The following DLGAP2 variants were observed in gnomAD, a reference collection of about 807,000 sequenced individuals.
DLGAP2 encodes disks large-associated protein 2.
In DLGAP2, 26 loss-of-function variants were observed where a neutral mutation model predicts 100.3. That is an observed-to-expected ratio of 0.26 (90% CI 0.19 to 0.36). The LOEUF (loss-of-function observed/expected upper bound fraction) is 0.36. DLGAP2 is among the 10% of genes least tolerant of loss of function. DLGAP2 has a pLI of 1.00. For synonymous variants in DLGAP2, 886 were observed against 630.1 expected (o/e 1.41, Z -6.08); for missense variants, 1,858 against 1,453.2 (o/e 1.28, Z -4.53).
chr8:1,182,770 G>C (rs988225288), intron 2 of DLGAP2, among the ~76,000 whole-genome samples: 2 of 152,210 alleles, frequency 1.3e-5, no homozygotes, highest in Non-Finnish European at 2.9e-5. Flanking sequence ...ATCGAGTCCA[G>C]CGCGCATGTG....
intron 2 of DLGAP2, among the ~76,000 whole-genome samples, chr8:938,817 C>T (rs1001270907): frequency 2.6e-5 from 4 of 152,194 alleles, no homozygotes; most frequent in Non-Finnish European, 4.4e-5. Flanking sequence ...CAGGTCTCGG[C>T]TCTCATTGCC....
At chr8:768,855 A>G (rs982353300) in intron 1 of DLGAP2, among the ~76,000 whole-genome samples, 2 of 152,132 alleles carry the variant, frequency 1.3e-5, no homozygotes, top group African/African-American at 4.8e-5. Context: ...TTGGCTACTT[A>G]CATCATTTCA....
At chr8:1,590,561 A>G (rs919863243) in intron 6 of DLGAP2, among the ~76,000 whole-genome samples, 2 of 152,202 alleles carry the variant, frequency 1.3e-5, no homozygotes, top group African/African-American at 4.8e-5. Context: ...TCTTCAAATC[A>G]GTTTAGCGAT....
At chr8:1,070,623 C>T (rs1419806938) in intron 2 of DLGAP2, among the ~76,000 whole-genome samples, 4 of 152,076 alleles carry the variant, frequency 2.6e-5, no homozygotes, top group East Asian at 1.9e-4. Context: ...CACATACATA[C>T]GCGTATGTGA....
chr8:1,160,514 G>C (rs1331265049), intron 2 of DLGAP2, among the ~76,000 whole-genome samples: 1 of 152,236 alleles, frequency 6.6e-6, no homozygotes. Flanking sequence ...TGCAGACTGA[G>C]AAGGACGTGG....
intron 2 of DLGAP2, among the ~76,000 whole-genome samples, chr8:1,037,754 A>T (rs1308223056): frequency 6.6e-6 from 1 of 152,188 alleles, no homozygotes; most frequent in Non-Finnish European, 1.5e-5. Flanking sequence ...TGGGCCGTTA[A>T]AATATCCAAG....
At chr8:1,062,619 G>C (rs893087583) in intron 2 of DLGAP2, among the ~76,000 whole-genome samples, 1 of 152,108 alleles carries the variant, frequency 6.6e-6, no homozygotes, top group Non-Finnish European at 1.5e-5. Flanking sequence ...GCTTTCCCTC[G>C]ATACTTTGCA....
chr8:1,379,154 T>G (rs1351131075), intron 3 of DLGAP2, among the ~76,000 whole-genome samples: 2 of 152,272 alleles, frequency 1.3e-5, no homozygotes, highest in South Asian at 4.1e-4. Flanking sequence ...GAGCCCTGCC[T>G]AGACTGTGGC....
intron 1 of DLGAP2, among the ~76,000 whole-genome samples, chr8:856,849 T>C (rs1056653314): frequency 6.6e-6 from 1 of 152,212 alleles, no homozygotes; most frequent in Non-Finnish European, 1.5e-5. Context: ...TCCCAGCATG[T>C]TATTTTGTGG....
At chr8:948,810 CG>C in intron 2 of DLGAP2, among the ~76,000 whole-genome samples, 1 of 152,378 alleles carries the variant, frequency 6.6e-6, no homozygotes, top group African/African-American at 2.4e-5. Flanking sequence ...CATGAGTGAC[CG>C]GGCAAACACC....
At chr8:1,434,621 C>T (rs971669549) in intron 3 of DLGAP2, among the ~76,000 whole-genome samples, 1 of 152,064 alleles carries the variant, frequency 6.6e-6, no homozygotes, top group African/African-American at 2.4e-5. Context: ...GGACTACAGG[C>T]GTGCGCCACC....
intron 2 of DLGAP2, among the ~76,000 whole-genome samples, chr8:1,008,737 C>A (rs980334682): frequency 2.0e-5 from 3 of 152,332 alleles, no homozygotes; most frequent in African/African-American, 7.2e-5. Flanking sequence ...TCCCCGCTCC[C>A]CCACCCCAGC....
intron 2 of DLGAP2, among the ~76,000 whole-genome samples, chr8:948,906 C>A (rs1158633005): frequency 1.3e-5 from 2 of 150,744 alleles, no homozygotes; most frequent in Non-Finnish European, 3.0e-5. Flanking sequence ...GGCCCGTGGG[C>A]GTGACTGCCG....
At chr8:1,262,161 C>A (rs1233036057) in intron 3 of DLGAP2, among the ~76,000 whole-genome samples, 6 of 152,186 alleles carry the variant, frequency 3.9e-5, no homozygotes, top group African/African-American at 1.4e-4. Flanking sequence ...CAAACAAACG[C>A]AACCAGGGAC....
intron 3 of DLGAP2, among the ~76,000 whole-genome samples, chr8:1,342,550 A>G (rs1801441052): frequency 1.3e-5 from 2 of 152,116 alleles, no homozygotes. Context: ...TCTGCTGTAC[A>G]TTTGTGGTAG....
intron 3 of DLGAP2, among the ~76,000 whole-genome samples, chr8:1,327,516 CCTTTTTAAAA>C (rs1801048235): frequency 6.6e-6 from 1 of 152,126 alleles, no homozygotes; most frequent in African/African-American, 2.4e-5. Flanking sequence ...TTGAACTTGA[CCTTTTTAAAA>C]AGTTTAAATC....
chr8:1,465,661 A>T (rs1354678763), intron 3 of DLGAP2, among the ~76,000 whole-genome samples: 1 of 152,010 alleles, frequency 6.6e-6, no homozygotes, highest in African/African-American at 2.4e-5. Context: ...TTTTGTGGAG[A>T]CTCCACTGGA....
intron 1 of DLGAP2, among the ~76,000 whole-genome samples, chr8:824,885 C>T (rs1796657504): frequency 6.6e-6 from 1 of 152,188 alleles, no homozygotes; most frequent in Non-Finnish European, 1.5e-5. Flanking sequence ...CGCATTGTCC[C>T]CTGGCATCTC....
intron 2 of DLGAP2, among the ~76,000 whole-genome samples, chr8:1,012,893 T>A (rs1467860407): frequency 2.0e-5 from 3 of 152,022 alleles, no homozygotes; most frequent in Non-Finnish European, 4.4e-5. Context: ...CCCATGAGTA[T>A]GTGTCGTGTG....
Sources: gnomAD v4.1 joint callset for allele counts (sites outside exome capture counted in the v4.1 genomes callset) on GRCh38, gnomAD v4.1.1 for gene constraint, MANE v1.5 for transcripts, NCBI Gene and HGNC (gene_info 2026-07-23, HGNC 2026-07-21) for gene names.